LEPR: variants seen among roughly 807,000 people sequenced by gnomAD.
The protein encoded by LEPR is OB receptor.
A neutral mutation model predicts 114.7 loss-of-function variants in LEPR; 56 were observed. The ratio of observed to expected loss-of-function variants is 0.49; its 90% confidence interval spans 0.39 to 0.61. The LOEUF (loss-of-function observed/expected upper bound fraction) is 0.61, where lower values mean the gene tolerates loss of function less well. Among genes scored for constraint, LEPR ranks in the 20% least tolerant of loss-of-function variants. LEPR has a pLI of 0.00. For synonymous variants in LEPR, 443 were observed against 461.4 expected (o/e 0.96, Z 0.51); for missense variants, 1,202 against 1,352.9 (o/e 0.89, Z 1.75).
intron 16 of LEPR, among the ~76,000 whole-genome samples, 187 bp downstream of exon 16, chr1:65,618,333 T>TGTTC (rs572203772): frequency 7.7e-6 from 1 of 129,146 alleles, no homozygotes; most frequent in Non-Finnish European, 1.7e-5. Flanking sequence ...CTCTTCTCTT[T>TGTTC]TCTTTTCTTT....
At chr1:65,512,248 T>A (rs1649072206) in intron 2 of LEPR, among the ~76,000 whole-genome samples, 1 of 151,992 alleles carries the variant, frequency 6.6e-6, no homozygotes, top group African/African-American at 2.4e-5. Context: ...AACTATTCAA[T>A]AGAAACTGCC....
intron 10 of LEPR, among the ~76,000 whole-genome samples, chr1:65,602,190 T>G (rs568045922): frequency 6.6e-6 from 1 of 152,188 alleles, no homozygotes; most frequent in African/African-American, 2.4e-5. Flanking sequence ...TTATCTTTTC[T>G]GAAAATCAAT....
chr1:65,507,546 T>C, intron 2 of LEPR, among the ~76,000 whole-genome samples: 1 of 147,656 alleles, frequency 6.8e-6, no homozygotes, highest in East Asian at 2.0e-4. Context: ...TGTATATATA[T>C]ATATACACAC....
chr1:65,474,262 A>T (rs1053008855), intron 2 of LEPR, among the ~76,000 whole-genome samples: 1 of 152,186 alleles, frequency 6.6e-6, no homozygotes, highest in African/African-American at 2.4e-5. Context: ...CTATTAACTA[A>T]CTTCTAAAAT....
At chr1:65,456,247 G>A (rs1023917618) in intron 2 of LEPR, among the ~76,000 whole-genome samples, 4 of 152,100 alleles carry the variant, frequency 2.6e-5, no homozygotes, top group South Asian at 4.2e-4. Flanking sequence ...CGTCTTCTGC[G>A]TGGCTCACGC....
At chr1:65,428,785 T>C (rs1237207668) in intron 2 of LEPR, among the ~76,000 whole-genome samples, 1 of 152,166 alleles carries the variant, frequency 6.6e-6, no homozygotes. Flanking sequence ...AAAAAGATTA[T>C]TTTTGAAGTA....
intron 2 of LEPR, among the ~76,000 whole-genome samples, chr1:65,563,924 G>T (rs1489893050): frequency 7.1e-6 from 1 of 140,692 alleles, no homozygotes; most frequent in African/African-American, 2.6e-5. Flanking sequence ...CAGATCTCCA[G>T]CTGCGTGCTG....
At chr1:65,525,995 C>CG (rs1028727188) in intron 2 of LEPR, 7 of 752,820 alleles carry the variant, frequency 9.3e-6, no homozygotes, top group African/African-American at 1.9e-5. Flanking sequence ...CGGCGGGCGG[C>CG]GGGGGTGGGG....
intron 2 of LEPR, among the ~76,000 whole-genome samples, chr1:65,493,670 T>C (rs1396729164): frequency 2.0e-5 from 3 of 152,176 alleles, no homozygotes; most frequent in Admixed American, 2.0e-4. Context: ...TTGAGATCTT[T>C]CTTTACATTT....
intron 19 of LEPR, chr1:65,629,306 A>G: frequency 2.3e-6 from 1 of 435,836 alleles, no homozygotes; most frequent in South Asian, 1.7e-5. Context: ...CCAATCTCTA[A>G]ATCTAAGTTT....
At chr1:65,615,101 C>T (rs4655723) in intron 14 of LEPR, among the ~76,000 whole-genome samples, 31,755 of 151,908 alleles carry the variant, frequency 0.21, 4,455 homozygotes, top group East Asian at 0.77. Context: ...TAAAATCTTA[C>T]TTTCAACCTA....
chr1:65,624,057 A>G (rs1490084385), intron 19 of LEPR, among the ~76,000 whole-genome samples: 2 of 152,158 alleles, frequency 1.3e-5, no homozygotes, highest in East Asian at 1.9e-4. Flanking sequence ...CAAAGACTGT[A>G]TTTTATCCAT....
intron 10 of LEPR, among the ~76,000 whole-genome samples, chr1:65,604,663 AC>A (rs1461529504): frequency 6.6e-6 from 1 of 152,218 alleles, no homozygotes; most frequent in Non-Finnish European, 1.5e-5. Context: ...TGGGCCACGG[AC>A]CGGTACCTGT....
chr1:65,488,080 T>G (rs1420137885), intron 2 of LEPR, among the ~76,000 whole-genome samples: 6 of 146,088 alleles, frequency 4.1e-5, no homozygotes, highest in Non-Finnish European at 4.5e-5. Context: ...TCCCTCCCTC[T>G]CTCTTCCTTT....
chr1:65,495,071 T>A (rs943273760), intron 2 of LEPR, among the ~76,000 whole-genome samples: 1 of 152,022 alleles, frequency 6.6e-6, no homozygotes, highest in Non-Finnish European at 1.5e-5. Context: ...GAGGGTTATA[T>A]CAAGTGAAAA....
rs1198812750 is a variant in LEPR at position 65,586,176 on chromosome 1, C to G, written c.495-6481C>G. Reference sequence around the variant, plus strand: ...TGAAATGAATATTGAACATGATGCACAAGACTTCAGTTGAGTTCCAGGTCT... The same window carrying G: ...TGAAATGAATATTGAACATGATGCAGAAGACTTCAGTTGAGTTCCAGGTCT... On this transcript the variant is annotated intron_variant, in intron 5 of 19. Transcript: ENST00000349533. Among the ~76,000 whole-genome samples, 3 of 151,912 alleles carry G rather than the reference C, an allele frequency of 2.0e-5. No individual in the cohort carries two copies. In the East Asian group the frequency reaches 5.8e-4, roughly 29 times the overall value.
chr1:65,623,356 T>C (rs1460008870), intron 19 of LEPR: 1 of 158,704 alleles, frequency 6.3e-6, no homozygotes, highest in East Asian at 1.8e-4. Context: ...TTAATGTCTA[T>C]AATTATCTCC....
chr1:65,630,126 GT>G (rs1207936209), intron 19 of LEPR: 1 of 175,446 alleles, frequency 5.7e-6, no homozygotes, highest in Non-Finnish European at 1.2e-5. Flanking sequence ...ATAGTATCCA[GT>G]GTTGCTTCTG....
intron 2 of LEPR, among the ~76,000 whole-genome samples, chr1:65,557,178 A>G (rs1652870454): frequency 6.6e-6 from 1 of 152,128 alleles, no homozygotes; most frequent in African/African-American, 2.4e-5. Context: ...AAATTAATCA[A>G]TAATTTTCTT....
Sources: allele counts gnomAD v4.1 joint callset (sites outside exome capture counted in the v4.1 genomes callset), GRCh38; gene constraint gnomAD v4.1.1; transcripts MANE v1.5; gene names NCBI Gene and HGNC (gene_info 2026-07-23, HGNC 2026-07-21).